YEATS4: variants seen among roughly 807,000 people sequenced by gnomAD.
YEATS4 encodes the protein YEATS domain-containing protein 4.
In YEATS4, 17 loss-of-function variants were observed where a neutral mutation model predicts 30.1. That is an observed-to-expected ratio of 0.56 (90% CI 0.39 to 0.85). The LOEUF is 0.85. Among genes scored for constraint, YEATS4 ranks in the 40% least tolerant of loss-of-function variants. The pLI, the probability that YEATS4 is intolerant of heterozygous loss-of-function variation, is 0.00. For synonymous variants in YEATS4, 85 were observed against 87.5 expected (o/e 0.97, Z 0.16); for missense variants, 142 against 268.3 (o/e 0.53, Z 3.29).
intron 6 of YEATS4, among the ~76,000 whole-genome samples, chr12:69,381,668 T>C (rs1473921443): frequency 6.6e-6 from 1 of 152,222 alleles, no homozygotes. Context: ...ATTATAAAAG[T>C]ATTAATTTGG....
chr12:69,372,561 G>A (rs1246901828), intron 6 of YEATS4, among the ~76,000 whole-genome samples: 1 of 103,706 alleles, frequency 9.6e-6, no homozygotes, highest in Non-Finnish European at 1.8e-5. Flanking sequence ...TTGAGACAGA[G>A]CCTTGCTCTG....
chr12:69,391,195 G>A (rs1005470521), downstream of YEATS4, among the ~76,000 whole-genome samples: 1 of 151,952 alleles, frequency 6.6e-6, no homozygotes, highest in African/African-American at 2.4e-5. Context: ...TTGGGAAGCT[G>A]AGGCAGGAGA....
At position 69,362,846 on chromosome 12, in the gene YEATS4, AAAGAG is replaced by A. The variant is rs1875273967; in HGVS notation, c.115_119del (p.Glu39ArgfsTer15). On this transcript the variant is annotated frameshift_variant, in exon 2 of 7. Coordinates refer to ENST00000247843, the MANE Select transcript of YEATS4 (RefSeq NM_006530.4). LOFTEE classifies it high-confidence loss of function. ...AATGTTGCTCGGTATTTTGGAAAGA[AAAGAG>A]AAGAAGATGGGCACACTCATCAGTG... 1 of 1,612,884 alleles carries A rather than the reference AAAGAG, an allele frequency of 6.2e-7. No homozygotes were observed. Among genetic ancestry groups the A allele is most frequent in the Admixed American group, 1.7e-5 (1 of 59,976 alleles).
chr12:69,417,443 A>T, the YEATS4 span, among the ~76,000 whole-genome samples: 49 of 152,120 alleles, frequency 3.2e-4, no homozygotes, highest in Non-Finnish European at 6.2e-4. Context: ...TACACATGTG[A>T]GCCACCACAC....
the YEATS4 span, among the ~76,000 whole-genome samples, chr12:69,414,308 C>A: frequency 0.042 from 6,332 of 151,174 alleles, 189 homozygotes; most frequent in Non-Finnish European, 0.065. Flanking sequence ...TAGTTCACTG[C>A]AGCCTCAAGC....
downstream of YEATS4, among the ~76,000 whole-genome samples, chr12:69,395,303 T>TA (rs1360964260): frequency 6.6e-6 from 1 of 150,776 alleles, no homozygotes; most frequent in Non-Finnish European, 1.5e-5. Context: ...TTATTTACAA[T>TA]AAAAAATAGA....
At chr12:69,365,984 G>C in intron 4 of YEATS4, 100 bp downstream of exon 4, 1 of 840,784 alleles carries the variant, frequency 1.2e-6, no homozygotes, top group South Asian at 2.4e-5. Context: ...TGTGTTTTAT[G>C]TAAATTTATG....
At chr12:69,425,261 G>A in the YEATS4 span, among the ~76,000 whole-genome samples, 4 of 152,260 alleles carry the variant, frequency 2.6e-5, no homozygotes, top group East Asian at 3.9e-4. Context: ...TAGTTCATTC[G>A]GAGGCCAGAG....
intron 2 of YEATS4, among the ~76,000 whole-genome samples, chr12:69,363,779 A>G (rs1331572070): frequency 1.3e-5 from 2 of 152,238 alleles, no homozygotes; most frequent in African/African-American, 4.8e-5. Context: ...GTTATTCATA[A>G]TAGCCAAAAA....
chr12:69,401,580 G>T, the YEATS4 span, among the ~76,000 whole-genome samples: 69 of 152,358 alleles, frequency 4.5e-4, 1 homozygote, highest in African/African-American at 1.3e-3. Context: ...GGCAATCTAT[G>T]CTTCCTTTGG....
At chr12:69,385,927 G>T (rs1050200157) in intron 6 of YEATS4, among the ~76,000 whole-genome samples, 1 of 152,150 alleles carries the variant, frequency 6.6e-6, no homozygotes, top group African/African-American at 2.4e-5. Flanking sequence ...ACCCAGTAGA[G>T]CCTGCATTTT....
chr12:69,378,764 G>GATATA (rs1875962951), intron 6 of YEATS4, among the ~76,000 whole-genome samples: 5 of 151,990 alleles, frequency 3.3e-5, no homozygotes, highest in African/African-American at 1.2e-4. Flanking sequence ...TTTTTGATCG[G>GATATA]TTCATCTTTT....
chr12:69,372,306 C>T (rs1489632959), intron 6 of YEATS4, among the ~76,000 whole-genome samples: 2 of 152,168 alleles, frequency 1.3e-5, no homozygotes, highest in African/African-American at 4.8e-5. Context: ...AGATATCGAT[C>T]ACCTCAAGCA....
At chr12:69,400,666 A>G in the YEATS4 span, among the ~76,000 whole-genome samples, 1 of 151,756 alleles carries the variant, frequency 6.6e-6, no homozygotes, top group African/African-American at 2.4e-5. Context: ...TAGGCAACAT[A>G]GCAAGACCCC....
chr12:69,380,737 T>C (rs1052743482), intron 6 of YEATS4, among the ~76,000 whole-genome samples: 3 of 152,126 alleles, frequency 2.0e-5, no homozygotes, highest in African/African-American at 7.2e-5. Flanking sequence ...TTCTTTCCTA[T>C]TTTCCCTAAG....
At chr12:69,393,308 C>T (rs1206609359), downstream of YEATS4, among the ~76,000 whole-genome samples, 1 of 151,952 alleles carries the variant, frequency 6.6e-6, no homozygotes, top group Non-Finnish European at 1.5e-5. Context: ...AAGACACAAA[C>T]AACAGAAAAA....
chr12:69,363,377 A>G (rs1875309657), intron 2 of YEATS4, among the ~76,000 whole-genome samples: 1 of 152,208 alleles, frequency 6.6e-6, no homozygotes, highest in African/African-American at 2.4e-5. Flanking sequence ...TTGAAAAAAT[A>G]GAGAACTGTC....
intron 6 of YEATS4, among the ~76,000 whole-genome samples, chr12:69,373,050 G>C (rs1875706768): frequency 6.6e-6 from 1 of 152,034 alleles, no homozygotes; most frequent in South Asian, 2.1e-4. Flanking sequence ...ATGGACACTT[G>C]GGTTGCTTTC....
chr12:69,417,382 A>G, the YEATS4 span, among the ~76,000 whole-genome samples: 1 of 149,588 alleles, frequency 6.7e-6, no homozygotes, highest in Non-Finnish European at 1.5e-5. Context: ...CTGGTCTTCA[A>G]CTCCTGAGCT....
Sources: gnomAD v4.1 joint callset for allele counts (sites outside exome capture counted in the v4.1 genomes callset) on GRCh38, gnomAD v4.1.1 for gene constraint, MANE v1.5 for transcripts, NCBI Gene and HGNC (gene_info 2026-07-23, HGNC 2026-07-21) for gene names.